Variants in THSD4 observed in about 807,000 individuals in gnomAD.
THSD4 encodes the protein thrombospondin type 1 domain containing 4, also known as thrombospondin type-1 domain-containing protein 4.
A neutral mutation model predicts 119.0 loss-of-function variants in THSD4; 69 were observed. The ratio of observed to expected loss-of-function variants is 0.58; its 90% CI spans 0.48 to 0.71. The LOEUF is 0.71. THSD4 is among the 30% of genes least tolerant of loss of function. The probability of loss-of-function intolerance (pLI) is 0.00; values close to 1 mark genes in which losing one functional copy is unlikely to be tolerated. For synonymous variants in THSD4, 524 were observed against 540.4 expected (o/e 0.97, Z 0.42); for missense variants, 1,393 against 1,391.1 (o/e 1.00, Z -0.02).
chr15:71,424,511 C>T (rs928227191), intron 7 of THSD4, among the ~76,000 whole-genome samples: 3 of 152,090 alleles, frequency 2.0e-5, no homozygotes, highest in Admixed American at 1.3e-4. Flanking sequence ...TCTCCAAAAA[C>T]GAGAGGATGT....
chr15:71,438,302 T>A (rs1443025246), intron 7 of THSD4, among the ~76,000 whole-genome samples: 1 of 146,044 alleles, frequency 6.8e-6, no homozygotes, highest in Non-Finnish European at 1.5e-5. Flanking sequence ...ATTTTTTTTT[T>A]AACTTATGCC....
At position 71,756,651 on chromosome 15, in the gene THSD4, G is replaced by A. The variant is rs115801417; in HGVS notation, c.2416-1251G>A. 5.4e-3 allele frequency among the ~76,000 whole-genome samples: 819 copies of A among 152,246 alleles called. 6 individuals are homozygous for A. Among genetic ancestry groups the A allele is most frequent in the African/African-American group, 0.018 (728 of 41,532 alleles). On this transcript the variant is annotated intron_variant, in intron 14 of 17. Coordinates refer to ENST00000261862, the MANE Select transcript of THSD4 (RefSeq NM_024817.3). ...ATACAAAAATTAGCTGGACATGGTC[G>A]TGAGCACCTGGAGCTACTCAGGAGG...
chr15:71,677,951 G>A (rs1351272801), intron 8 of THSD4, among the ~76,000 whole-genome samples: 1 of 152,280 alleles, frequency 6.6e-6, no homozygotes, highest in South Asian at 2.1e-4. Context: ...ATTTGACACC[G>A]CTATCCTTGC....
At chr15:71,565,838 G>A (rs1432562989) in intron 7 of THSD4, among the ~76,000 whole-genome samples, 1 of 152,210 alleles carries the variant, frequency 6.6e-6, no homozygotes, top group East Asian at 1.9e-4. Flanking sequence ...GGGAAGAAAA[G>A]CAAGGGAATC....
chr15:71,273,922 T>C (rs2140306555), intron 6 of THSD4, among the ~76,000 whole-genome samples: 1 of 152,298 alleles, frequency 6.6e-6, no homozygotes, highest in African/African-American at 2.4e-5. Context: ...GGATGGAAAC[T>C]GGGAAGCCCT....
At chr15:71,234,261 C>T (rs1245108833) in intron 4 of THSD4, among the ~76,000 whole-genome samples, 5 of 152,216 alleles carry the variant, frequency 3.3e-5, no homozygotes, top group African/African-American at 9.7e-5. Context: ...TGTTCCCCAG[C>T]CCAGGCCACT....
At chr15:71,298,801 C>G (rs1264180580) in intron 6 of THSD4, among the ~76,000 whole-genome samples, 1 of 152,106 alleles carries the variant, frequency 6.6e-6, no homozygotes, top group Non-Finnish European at 1.5e-5. Flanking sequence ...TTAGTAGAGA[C>G]GGGGTTTTAC....
chr15:71,186,608 A>G (rs1280599233), intron 3 of THSD4: 1 of 152,258 alleles, frequency 6.6e-6, no homozygotes, highest in Non-Finnish European at 1.5e-5. Flanking sequence ...TTAGTCTTCC[A>G]AGCTGGACTT....
intron 8 of THSD4, among the ~76,000 whole-genome samples, chr15:71,727,571 T>TACACACAC (rs2052877901): frequency 1.5e-3 from 52 of 33,646 alleles, no homozygotes; most frequent in African/African-American, 5.0e-3. Context: ...TATATATATA[T>TACACACAC]ATATATATAT....
At chr15:71,619,789 A>C (rs1446991770) in intron 7 of THSD4, among the ~76,000 whole-genome samples, 1 of 152,224 alleles carries the variant, frequency 6.6e-6, no homozygotes. Context: ...ATGCATACAC[A>C]TGGAGGGAGG....
Position 71,609,098 on chromosome 15 carries a change from C to G in THSD4, c.1153-51432C>G, listed in dbSNP as rs189235380. 2.4e-3 allele frequency among the ~76,000 whole-genome samples: 361 copies of G among 152,224 alleles called. 2 individuals are homozygous for G. The highest frequency in any genetic ancestry group is 8.4e-3 in the African/African-American group (350 of 41,530). ...TAATGATCTAAAGAACATTAACTAC[C>G]AGCTGACGCCAGAGAACTCTTTCTT... On this transcript the variant is annotated intron_variant, in intron 7 of 17. Transcript: ENST00000261862.
At chr15:71,327,467 C>T (rs1386074621) in intron 6 of THSD4, among the ~76,000 whole-genome samples, 2 of 148,034 alleles carry the variant, frequency 1.4e-5, no homozygotes, top group Non-Finnish European at 3.0e-5. Flanking sequence ...AACCAATTCA[C>T]TAATGCCTTA....
chr15:71,633,339 A>AATC (rs1334640713), intron 7 of THSD4, among the ~76,000 whole-genome samples: 1 of 141,270 alleles, frequency 7.1e-6, no homozygotes, highest in African/African-American at 2.7e-5. Context: ...GCAGTGGCGC[A>AATC]ATCATAGCTC....
At chr15:71,259,096 A>G (rs1042937090) in intron 6 of THSD4, among the ~76,000 whole-genome samples, 6 of 151,930 alleles carry the variant, frequency 3.9e-5, no homozygotes, top group African/African-American at 1.5e-4. Flanking sequence ...CTGGACAACA[A>G]GAGTGCAACT....
rs537808519 is a variant in THSD4, at chr15:71,636,145, G to A, written c.1153-24385G>A. On this transcript the variant is annotated intron_variant, in intron 7 of 17. Coordinates refer to ENST00000261862, the MANE Select transcript of THSD4 (RefSeq NM_024817.3). The stretch of plus-strand genomic sequence containing the variant: ...GAAGTAAAATGAGGAAAATAGACCA[G>A]GCGCAGTGGCTCACACCTATAATCC... Among the ~76,000 whole-genome samples the A allele has an allele frequency of 2.0e-5, 3 of 152,346 alleles. No homozygotes were observed. In the South Asian group the frequency reaches 6.2e-4, roughly 32 times the overall value.
chr15:71,415,076 C>T (rs117907956), intron 7 of THSD4, among the ~76,000 whole-genome samples: 1 of 152,378 alleles, frequency 6.6e-6, no homozygotes, highest in East Asian at 1.9e-4. Flanking sequence ...GCTGAGAAAG[C>T]TGTCACTTGC....
chr15:71,238,159 T>C (rs1463937111), intron 4 of THSD4, among the ~76,000 whole-genome samples: 2 of 152,176 alleles, frequency 1.3e-5, no homozygotes, highest in African/African-American at 2.4e-5. Flanking sequence ...TAGGCACTCA[T>C]AGAAGTTGCT....
intron 6 of THSD4, among the ~76,000 whole-genome samples, chr15:71,360,609 C>G (rs1165190171): frequency 6.6e-6 from 1 of 152,220 alleles, no homozygotes; most frequent in Non-Finnish European, 1.5e-5. Flanking sequence ...CTCGGACTCT[C>G]TCCCCGGCAT....
In THSD4 at chr15:71,783,268, T is replaced by A. The variant is rs957118402; in HGVS notation, c.*5894T>A. The A allele has an allele frequency of 2.6e-5, 4 of 152,240 alleles. No homozygotes were observed. Among genetic ancestry groups the A allele is most frequent in the African/African-American group, 9.6e-5 (4 of 41,460 alleles). 9.4% of individuals were successfully genotyped at this position (152,240 alleles called of 1,614,324 possible). A position where few individuals can be genotyped will look rare whatever the true frequency, so the allele number is the denominator to read the frequency against. On this transcript the variant is annotated 3_prime_UTR_variant, in exon 18 of 18. Transcript: ENST00000261862. ...TATTGTAAAGATACAATAAACCGGT[T>A]GAAATATCTGCTTTGTTGACAAGCG...
Sources: allele counts gnomAD v4.1 joint callset (sites outside exome capture counted in the v4.1 genomes callset), GRCh38; gene constraint gnomAD v4.1.1; transcripts MANE v1.5; gene names NCBI Gene and HGNC (gene_info 2026-07-23, HGNC 2026-07-21).